The following CCSER1 variants were observed in gnomAD, a reference collection of about 807,000 sequenced individuals.
CCSER1 encodes the protein serine-rich coiled-coil domain-containing protein 1.
CCSER1 carries 41 observed loss-of-function variants against 82.0 expected under a neutral mutation model. The observed-to-expected ratio is 0.50, with a 90% CI of 0.39 to 0.65. The LOEUF (loss-of-function observed/expected upper bound fraction) is 0.65. CCSER1 is among the 30% of genes least tolerant of loss of function. The pLI is 0.00. For synonymous variants in CCSER1, 414 were observed against 383.9 expected, an observed-to-expected ratio of 1.08 and a Z score of -0.92; for missense variants, 1,119 against 1,064.2, an observed-to-expected ratio of 1.05 and a Z score of -0.72.
rs140705920 is a variant in CCSER1, at chr4:90,190,647, G to A, written c.-42+62816G>A. On this transcript the variant is annotated intron_variant, in intron 1 of 10. Transcript: ENST00000509176. ...GGCTATTCTTGGCCACTTGTTCCCA[G>A]ACAATAGTGATAGGATTCCACTTGC... Among the ~76,000 whole-genome samples the A allele has an allele frequency of 4.7e-3, 709 of 152,236 alleles. 9 individuals are homozygous for A. Among genetic ancestry groups the A allele is most frequent in the Admixed American group, 0.026 (397 of 15,270 alleles).
rs1398833319 is a variant in CCSER1 at position 91,094,831 on chromosome 4, A to G, written c.2217+8837A>G. Among the ~76,000 whole-genome samples the G allele has an allele frequency of 2.0e-5, 3 of 152,234 alleles. No individual in the cohort carries two copies. In the East Asian group the frequency reaches 5.8e-4, roughly 29 times the overall value. On this transcript the variant is annotated intron_variant, in intron 10 of 10. Coordinates refer to ENST00000509176, the MANE Select transcript of CCSER1 (RefSeq NM_001145065.2). ...CTCAGGGGACTGTAAGGGCCATGATAACTCCTGTTCCTGGTAACTTCAGTT... is the reference window on the plus strand; with the variant it reads ...CTCAGGGGACTGTAAGGGCCATGATGACTCCTGTTCCTGGTAACTTCAGTT...
At chr4:91,359,961 G>T (rs1351263148) in intron 10 of CCSER1, among the ~76,000 whole-genome samples, 1 of 151,712 alleles carries the variant, frequency 6.6e-6, no homozygotes, top group Non-Finnish European at 1.5e-5. Context: ...CAGATATTAA[G>T]GTGAGGGTCA....
chr4:90,419,136 G>A (rs575530080), intron 4 of CCSER1, among the ~76,000 whole-genome samples: 13 of 152,046 alleles, frequency 8.6e-5, no homozygotes, highest in African/African-American at 2.9e-4. Context: ...TTATAATAGC[G>A]TTTCCAAATT....
chr4:90,319,992 GCC>G (rs1200679055), intron 3 of CCSER1, among the ~76,000 whole-genome samples: 6 of 152,130 alleles, frequency 3.9e-5, no homozygotes, highest in Admixed American at 3.9e-4. Context: ...TAGGTTAATA[GCC>G]CTAATCCTTT....
chr4:90,768,730 A>G (rs1291312347), intron 7 of CCSER1, among the ~76,000 whole-genome samples: 1 of 152,218 alleles, frequency 6.6e-6, no homozygotes, highest in African/African-American at 2.4e-5. Context: ...AACAACATTG[A>G]TTAAAGTAAG....
chr4:90,136,330 C>A (rs949360044), intron 1 of CCSER1, among the ~76,000 whole-genome samples: 1 of 151,978 alleles, frequency 6.6e-6, no homozygotes, highest in Admixed American at 6.6e-5. Flanking sequence ...CCAGCTTGGG[C>A]AACAGCAAGA....
intron 5 of CCSER1, among the ~76,000 whole-genome samples, chr4:90,527,034 T>C (rs1773862041): frequency 1.3e-5 from 2 of 152,222 alleles, no homozygotes; most frequent in African/African-American, 2.4e-5. Flanking sequence ...CCAGCATCTA[T>C]TGTTTCCTGA....
At chr4:91,530,133 C>T (rs1516699) in intron 10 of CCSER1, among the ~76,000 whole-genome samples, 97,772 of 151,806 alleles carry the variant, frequency 0.64, 31,678 homozygotes, top group East Asian at 0.73. Context: ...TATCTCTCAA[C>T]GGTAATGAAG....
At chr4:91,020,992 G>A (rs73834724) in intron 9 of CCSER1, among the ~76,000 whole-genome samples, 2,124 of 152,132 alleles carry the variant, frequency 0.014, 36 homozygotes, top group East Asian at 0.044. Context: ...TTAAGAAAAC[G>A]AGATACTTCA....
chr4:91,402,512 A>G (rs934040678), intron 10 of CCSER1, among the ~76,000 whole-genome samples: 158 of 152,028 alleles, frequency 1.0e-3, no homozygotes, highest in African/African-American at 3.4e-3. Flanking sequence ...TTCTTCTAGA[A>G]TTTTTATGGT....
chr4:90,733,976 CT>C lies in CCSER1; in HGVS notation c.2010+9990del, dbSNP rs555509333. ...GTAATGTGATTCCTCCAATTTTGTT[CT>C]TTTTGCTCAGGATAGCTTTGGCTAT... On this transcript the variant is annotated intron_variant, in intron 7 of 10. Coordinates refer to ENST00000509176, the MANE Select transcript of CCSER1 (RefSeq NM_001145065.2). Among the ~76,000 whole-genome samples, 18 of 152,028 alleles carry C rather than the reference CT, an allele frequency of 1.2e-4. No individual in the cohort carries two copies. In the South Asian group the frequency reaches 3.7e-3, roughly 32 times the overall value.
At chr4:90,953,293 C>T (rs568978973) in intron 9 of CCSER1, among the ~76,000 whole-genome samples, 1 of 151,682 alleles carries the variant, frequency 6.6e-6, no homozygotes, top group Non-Finnish European at 1.5e-5. Context: ...AAAATTTTTT[C>T]AACTTTAATT....
intron 5 of CCSER1, among the ~76,000 whole-genome samples, chr4:90,470,923 C>T (rs1347974475): frequency 2.0e-5 from 3 of 151,962 alleles, no homozygotes; most frequent in African/African-American, 4.8e-5. Context: ...ATGACAAGCC[C>T]TGGAACACAG....
At chr4:90,399,097 C>T (rs1752433492) in intron 3 of CCSER1, among the ~76,000 whole-genome samples, 1 of 151,992 alleles carries the variant, frequency 6.6e-6, no homozygotes, top group African/African-American at 2.4e-5. Flanking sequence ...TTTTTCTGTA[C>T]ATTTGTTATT....
intron 1 of CCSER1, among the ~76,000 whole-genome samples, chr4:90,278,283 A>G (rs1010116530): frequency 3.9e-5 from 6 of 152,138 alleles, no homozygotes; most frequent in Middle Eastern, 3.2e-3. Flanking sequence ...TACTCAAAGT[A>G]CTAAGTGTTG....
At chr4:90,616,983 CTG>C (rs1721402937) in intron 5 of CCSER1, among the ~76,000 whole-genome samples, 1 of 152,040 alleles carries the variant, frequency 6.6e-6, no homozygotes, top group South Asian at 2.1e-4. Context: ...TTCTGTTTTG[CTG>C]TGTGTATCCT....
At chr4:90,438,419 G>A (rs1182019862) in intron 4 of CCSER1, among the ~76,000 whole-genome samples, 1 of 152,092 alleles carries the variant, frequency 6.6e-6, no homozygotes, top group Non-Finnish European at 1.5e-5. Context: ...TTCTTATGCT[G>A]CCAAATATTG....
At chr4:91,096,607 A>T (rs1343944102) in intron 10 of CCSER1, among the ~76,000 whole-genome samples, 2 of 152,138 alleles carry the variant, frequency 1.3e-5, no homozygotes, top group Non-Finnish European at 2.9e-5. Context: ...CTGATGGCTA[A>T]CTTACCTCTA....
At chr4:90,720,834 A>G (rs1742547319) in intron 6 of CCSER1, among the ~76,000 whole-genome samples, 1 of 152,032 alleles carries the variant, frequency 6.6e-6, no homozygotes, top group South Asian at 2.1e-4. Context: ...AGAAGATGTA[A>G]CACTCAAAAT....
Sources: gnomAD v4.1 joint callset for allele counts (sites outside exome capture counted in the v4.1 genomes callset) on GRCh38, gnomAD v4.1.1 for gene constraint, MANE v1.5 for transcripts, NCBI Gene and HGNC (gene_info 2026-07-23, HGNC 2026-07-21) for gene names.